The following TIAM1 variants were observed in gnomAD, a reference collection of about 807,000 sequenced individuals.
TIAM1 encodes rho guanine nucleotide exchange factor TIAM1.
Under a neutral mutation model 163.5 loss-of-function variants are expected in TIAM1, and 65 were observed. The ratio of observed to expected loss-of-function variants is 0.40; its 90% CI spans 0.33 to 0.49. The LOEUF (loss-of-function observed/expected upper bound fraction) is 0.49. TIAM1 is among the 20% of genes least tolerant of loss of function. TIAM1 has a pLI of 0.77. For synonymous variants in TIAM1, 833 were observed against 810.1 expected, an observed-to-expected ratio of 1.03 and a Z score of -0.48; for missense variants, 1,789 against 2,044.7, an observed-to-expected ratio of 0.87 and a Z score of 2.41.
rs16988331 is a variant in TIAM1 at position 31,527,522 on chromosome 21, A to G, written c.-422+31405T>C. ...AAGATGAGTGAGACATTCGAAGAGCATGGGGACCTAGCACACATTTTTGCC... is the reference window on the plus strand; with the variant it reads ...AAGATGAGTGAGACATTCGAAGAGCGTGGGGACCTAGCACACATTTTTGCC... On this transcript the variant is annotated intron_variant, in intron 1 of 28. Coordinates refer to the TIAM1 transcript ENST00000286827. Among the ~76,000 whole-genome samples the G allele has an allele frequency of 5.4e-3, 828 of 152,278 alleles. 31 individuals are homozygous for G. Among genetic ancestry groups the G allele is most frequent in the Admixed American group, 0.05 (767 of 15,294 alleles).
chr21:31,397,618 C>T lies in TIAM1; in HGVS notation c.-368-58196G>A, dbSNP rs570559716. On this transcript the variant is annotated intron_variant, in intron 2 of 28. Coordinates refer to the TIAM1 transcript ENST00000286827. Reference sequence around the variant, plus strand: ...ACAGGACAAAGAGCTGGTGAAACCTCATTCAAATTACAATTTATGGCCATC... The same window carrying T: ...ACAGGACAAAGAGCTGGTGAAACCTTATTCAAATTACAATTTATGGCCATC... Among the ~76,000 whole-genome samples the T allele has an allele frequency of 2.6e-5, 4 of 152,332 alleles. No individual in the cohort carries two copies. In the South Asian group the frequency reaches 8.3e-4, roughly 32 times the overall value.
At chr21:31,359,889 A>G (rs2076381185) in intron 2 of TIAM1, among the ~76,000 whole-genome samples, 1 of 151,836 alleles carries the variant, frequency 6.6e-6, no homozygotes, top group African/African-American at 2.4e-5. Context: ...AAGACAATGA[A>G]AGGATGTAAT....
At chr21:31,434,591 A>G (rs1351618441) in intron 2 of TIAM1, among the ~76,000 whole-genome samples, 1 of 152,276 alleles carries the variant, frequency 6.6e-6, no homozygotes, top group Non-Finnish European at 1.5e-5. Flanking sequence ...ACTTTTAAAA[A>G]TTCAGACATG....
chr21:31,392,866 GC>G (rs2076991452), intron 2 of TIAM1, among the ~76,000 whole-genome samples: 1 of 151,926 alleles, frequency 6.6e-6, no homozygotes. Context: ...TTCATCTTCT[GC>G]CATGAGTAAA....
At chr21:31,468,899 G>A (rs1465701285) in intron 1 of TIAM1, among the ~76,000 whole-genome samples, 1 of 151,958 alleles carries the variant, frequency 6.6e-6, no homozygotes, top group Non-Finnish European at 1.5e-5. Context: ...TCTGGCCCTG[G>A]GGAGGCACCA....
intron 4 of TIAM1, among the ~76,000 whole-genome samples, chr21:31,256,623 A>ACACACACACG (rs1555907921): frequency 6.7e-6 from 1 of 150,026 alleles, no homozygotes; most frequent in East Asian, 1.9e-4. Context: ...ACACACACAC[A>ACACACACACG]CACACGTATA....
Position 31,120,645 on chromosome 21 carries a change from T to C in TIAM1, c.4499A>G (p.Lys1500Arg), listed in dbSNP as rs1431143352. ...LAQYEEQDDIKETDILSDDDE... is the reference protein window; with the variant it reads ...LAQYEEQDDIRETDILSDDDE... ...ATCGTCACTGAGGATGTCTGTCTCC[T>C]TGATGTCATCTTGCTCCTCATACTG... Residue 1500 changes from lysine (K) to arginine (R), a missense_variant, in exon 28 of 28, where the codon AAG (lysine) becomes AGG (arginine). This residue lies in a region of TIAM1 where 415 missense variants were observed against 439.2 expected (regional missense o/e 0.94). Transcript: ENST00000541036. The surrounding 1 kb of genome is among the most constrained non-coding windows in gnomAD (Gnocchi z 4.2). 3 of 1,614,170 alleles carry C rather than the reference T, an allele frequency of 1.9e-6. No individual in the cohort carries two copies. The highest frequency in any genetic ancestry group is 2.5e-6 in the Non-Finnish European group (3 of 1,180,040).
chr21:31,501,601 T>C (rs1255977156), intron 1 of TIAM1, among the ~76,000 whole-genome samples: 1 of 152,050 alleles, frequency 6.6e-6, no homozygotes, highest in African/African-American at 2.4e-5. Flanking sequence ...TTTGTTTGTT[T>C]GTTTGTTTGT....
At chr21:31,174,701 G>A (rs186145567) in intron 15 of TIAM1, among the ~76,000 whole-genome samples, 6 of 152,238 alleles carry the variant, frequency 3.9e-5, no homozygotes, top group African/African-American at 1.2e-4. Context: ...AGGCTAGAGC[G>A]CAGTGGTGCG....
chr21:31,444,997 T>TA (rs10711431), intron 2 of TIAM1, among the ~76,000 whole-genome samples: 1 of 147,168 alleles, frequency 6.8e-6, no homozygotes, highest in African/African-American at 2.5e-5. Context: ...AAATTACATC[T>TA]AAAAAAAAAA....
intron 18 of TIAM1, 26 bp from the exon 19 acceptor site, chr21:31,152,787 AC>A: frequency 6.2e-7 from 1 of 1,610,994 alleles, no homozygotes; most frequent in Non-Finnish European, 8.5e-7. Context: ...AATTTAATGC[AC>A]CTCATATCTC....
intron 20 of TIAM1, among the ~76,000 whole-genome samples, chr21:31,142,733 G>A (rs2082914867): frequency 6.6e-6 from 1 of 152,104 alleles, no homozygotes; most frequent in Admixed American, 6.5e-5. Flanking sequence ...AGCAGAGCAA[G>A]GCAGGATCTC....
rs539295800 is a variant in TIAM1 at position 31,459,411 on chromosome 21, A to C, written c.-369+4572T>G. On this transcript the variant is annotated intron_variant, in intron 2 of 28. Transcript: ENST00000286827. ...CATTATGCAGGCAAGAAGGAAGAAG[A>C]AAACCAACTGAGAGGCAACTGCATT... Among the ~76,000 whole-genome samples the C allele has an allele frequency of 3.3e-5, 5 of 152,348 alleles. No homozygotes were observed. In the South Asian group the frequency reaches 1.0e-3, roughly 32 times the overall value.
At chr21:31,533,503 C>CAG (rs2048033475) in intron 1 of TIAM1, among the ~76,000 whole-genome samples, 1 of 152,136 alleles carries the variant, frequency 6.6e-6, no homozygotes, top group Admixed American at 6.5e-5. Flanking sequence ...CCTGTCATCC[C>CAG]AGCACTTAGG....
At chr21:31,357,263 T>G (rs909851810) in intron 2 of TIAM1, among the ~76,000 whole-genome samples, 2 of 152,312 alleles carry the variant, frequency 1.3e-5, no homozygotes, top group African/African-American at 4.8e-5. Context: ...TCTCTGTCTA[T>G]TCCCTCACCC....
intron 25 of TIAM1, among the ~76,000 whole-genome samples, chr21:31,128,067 G>A (rs777157638): frequency 6.6e-5 from 10 of 152,192 alleles, no homozygotes; most frequent in Non-Finnish European, 1.0e-4. Context: ...CATGAATAAA[G>A]TGTTTGTGAA....
At chr21:31,354,165 C>A (rs2076280070) in intron 2 of TIAM1, among the ~76,000 whole-genome samples, 1 of 152,034 alleles carries the variant, frequency 6.6e-6, no homozygotes, top group South Asian at 2.1e-4. Context: ...CCCTTTGTAT[C>A]ATGAATCTCA....
intron 1 of TIAM1, among the ~76,000 whole-genome samples, chr21:31,502,300 C>A (rs2046875022): frequency 6.6e-6 from 1 of 152,176 alleles, no homozygotes; most frequent in South Asian, 2.1e-4. Flanking sequence ...GAGACAGGGT[C>A]TCGCTCTGTC....
chr21:31,187,181 A>C, intron 13 of TIAM1, 94 bp from the exon 14 acceptor site: 3 of 1,135,498 alleles, frequency 2.6e-6, no homozygotes, highest in Non-Finnish European at 4.0e-6. Flanking sequence ...GGTATGTTTC[A>C]TGTTTGTCAT....
Sources: allele counts gnomAD v4.1 joint callset (sites outside exome capture counted in the v4.1 genomes callset), GRCh38; gene constraint gnomAD v4.1.1; regional missense constraint gnomAD v4.1.1; non-coding constraint Gnocchi (gnomAD v3.1); transcripts MANE v1.5; gene names NCBI Gene and HGNC (gene_info 2026-07-23, HGNC 2026-07-21).